Variants in PRAME observed in about 807,000 individuals in gnomAD.
The protein encoded by PRAME is PRAME nuclear receptor transcriptional regulator.
PRAME carries 21 observed loss-of-function variants against 32.1 expected under a neutral mutation model. That is an observed-to-expected ratio of 0.65 (90% CI 0.46 to 0.94). The LOEUF is 0.94. PRAME is among the 40% of genes least tolerant of loss of function. The pLI is 0.00. For synonymous variants in PRAME, 274 were observed against 251.5 expected (o/e 1.09, Z -0.85); for missense variants, 651 against 622.3 (o/e 1.05, Z -0.49).
chr22:22,551,642 A>AAAAC (rs10640028), intron 3 of PRAME, among the ~76,000 whole-genome samples: 75,980 of 150,566 alleles, frequency 0.5, 19,390 homozygotes, highest in South Asian at 0.67. Context: ...AATAAAAAAA[A>AAAAC]AACATTCTGA....
In PRAME at chr22:22,548,343, G is replaced by A; in HGVS notation, c.1254C>T (p.Ile418=). The A allele has an allele frequency of 6.2e-7, 1 of 1,613,662 alleles. No individual in the cohort carries two copies. The highest frequency in any genetic ancestry group is 1.3e-5 in the African/African-American group (1 of 74,978). The change falls in exon 6 of 6, where the codon ATC becomes ATT. Residue 418 remains isoleucine (I), a synonymous_variant. Coordinates refer to ENST00000405655, the MANE Select transcript of PRAME (RefSeq NM_206956.3). ...GGAGACTCTGCAGGGCAGATATGGA[G>A]ATGGAATTCCCGTAGAAGCTTAAGG... ...LTTLSFYGNS[I]SISALQSLLQ...
rs770666096 is a variant in PRAME at position 22,548,253 on chromosome 22, A to T, written c.1344T>A (p.Tyr448Ter). The change falls in exon 6 of 6, where the codon TAT becomes TAA. Residue 448 changes from tyrosine to a stop codon, truncating the protein, a stop_gained. Coordinates refer to ENST00000405655, the MANE Select transcript of PRAME (RefSeq NM_206956.3). LOFTEE classifies it low-confidence loss of function (END_TRUNC). ...HVLYPVPLES[Y>*]EDIHGTLHLE... ...GGTGGAGGGTACCATGGATGTCCTC[A>T]TAACTCTCCAGGGGGACAGGATACA... 1.2e-6 allele frequency: 2 copies of T among 1,613,748 alleles called. No individual in the cohort carries two copies. The highest frequency in any genetic ancestry group is 1.7e-6 in the Non-Finnish European group (2 of 1,179,966).
At position 22,556,883 on chromosome 22, in the gene PRAME, G is replaced by A. The variant is rs753741741; in HGVS notation, c.-51C>T. 2.7e-5 allele frequency: 44 copies of A among 1,610,112 alleles called. No homozygotes were observed. The highest frequency in any genetic ancestry group is 1.6e-4 in the Middle Eastern group (1 of 6,066). ...GGACCTCCAACGCTTGGATTTCTAG[G>A]TCTCAGTCACTTGTTGCCACGCACG... On this transcript the variant is annotated 5_prime_UTR_variant, in exon 3 of 6. Coordinates refer to ENST00000405655, the MANE Select transcript of PRAME (RefSeq NM_206956.3).
intron 3 of PRAME, chr22:22,556,028 T>C (rs1383302656): frequency 1.0e-5 from 4 of 398,376 alleles, no homozygotes; most frequent in Non-Finnish European, 2.1e-5. Context: ...AGTTTCACTC[T>C]TGTTGCCCAG....
Position 22,551,097 on chromosome 22 carries a change from AAC to A in PRAME, c.22-10_22-9del. 1.4e-5 allele frequency: 21 copies of A among 1,554,780 alleles called. No individual in the cohort carries two copies. The highest frequency in any genetic ancestry group is 1.6e-5 in the Non-Finnish European group (18 of 1,145,852). ...TCGGCTCTGAATGGAACCCTGAGGA[AAC>A]ATACAGGGAACAAGGCATCCCTTTC... On this transcript the variant is annotated splice_polypyrimidine_tract_variant and intron_variant, in intron 3 of 5. Coordinates refer to ENST00000405655, the MANE Select transcript of PRAME (RefSeq NM_206956.3).
At chr22:22,551,976 C>T (rs998165987) in intron 3 of PRAME, among the ~76,000 whole-genome samples, 4 of 151,176 alleles carry the variant, frequency 2.6e-5, no homozygotes, top group Non-Finnish European at 5.9e-5. Context: ...ATCTTGTATA[C>T]TAGATATCTT....
chr22:22,548,679 G>A, intron 5 of PRAME, 36 bp from the exon 6 acceptor site: 1 of 1,511,774 alleles, frequency 6.6e-7, no homozygotes, highest in Non-Finnish European at 9.0e-7. Flanking sequence ...CTGGGGAATG[G>A]TGGTAGTGGG....
chr22:22,551,673 C>A (rs1273383891), intron 3 of PRAME, among the ~76,000 whole-genome samples: 5 of 151,774 alleles, frequency 3.3e-5, no homozygotes, highest in African/African-American at 9.7e-5. Flanking sequence ...TTAAGTGCGT[C>A]TCTTTTACGT....
At position 22,550,299 on chromosome 22, in the gene PRAME, T is replaced by A. The variant is rs753760730; in HGVS notation, c.380A>T (p.Asn127Ile). Residue 127 changes from asparagine (N) to isoleucine (I), a missense_variant, in exon 5 of 6, where the codon AAC becomes ATC. Coordinates refer to ENST00000405655, the MANE Select transcript of PRAME (RefSeq NM_206956.3). ...WKLQVLDLRK[N>I]SHQDFWTVWS... ...TACAGTCCAGAAGTCCTGATGAGAG[T>A]TCTTCCGTAAATCCAGCACTTGAAG... 1.3e-5 allele frequency: 21 copies of A among 1,613,010 alleles called. No homozygotes were observed. The East Asian group carries it at 2.2e-4, about 17-fold the overall frequency.
chr22:22,553,698 T>C (rs999280098), intron 3 of PRAME: 2 of 747,968 alleles, frequency 2.7e-6, no homozygotes, highest in South Asian at 1.2e-4. Context: ...GTAATATTGG[T>C]GACCAAACCT....
chr22:22,550,826 C>G lies in PRAME; in HGVS notation c.285G>C (p.Glu95Asp). ...GTCCATCAAGCACAGCTTTGAAGGT[C>G]TCCAGGTGAAGATGTTGTCCCTTCA... Reference protein sequence around the residue: ...VLMKGQHLHLETFKAVLDGLD... With the variant: ...VLMKGQHLHLDTFKAVLDGLD... Residue 95 changes from glutamate (E) to aspartate (D), a missense_variant, in exon 4 of 6, where the codon GAG becomes GAC. Coordinates refer to ENST00000405655, the MANE Select transcript of PRAME (RefSeq NM_206956.3). 2 of 1,612,374 alleles carry G rather than the reference C, an allele frequency of 1.2e-6. No individual in the cohort carries two copies. Among genetic ancestry groups the G allele is most frequent in the Middle Eastern group, 1.7e-4 (1 of 6,046 alleles).
At chr22:22,553,085 C>T (rs993369246) in intron 3 of PRAME, 9 of 372,334 alleles carry the variant, frequency 2.4e-5, no homozygotes, top group Non-Finnish European at 2.2e-5. Context: ...AAAAAGTGAA[C>T]AAAACCACCC....
intron 3 of PRAME, chr22:22,552,737 C>T (rs2062665061): frequency 2.3e-6 from 1 of 426,582 alleles, no homozygotes; most frequent in South Asian, 1.8e-5. Flanking sequence ...AGCATTGGCC[C>T]TCATGGCCCG....
rs1425026394 is a variant in PRAME at position 22,548,096 on chromosome 22, T to C, written c.1501A>G (p.Ile501Val). ...GDRTFYDPEP[I>V]LCPCFMPN ...TTAGGCATGAAACAGGGGCACAGGATGGGCTCCGGGTCATAGAAGGTTCTG... is the reference window on the plus strand; with the variant it reads ...TTAGGCATGAAACAGGGGCACAGGACGGGCTCCGGGTCATAGAAGGTTCTG... The change falls in exon 6 of 6, where the codon ATC becomes GTC. Residue 501 changes from isoleucine (I) to valine (V), a missense_variant. Physicochemically the swap from Ile to Val is conservative, Grantham distance 29. Transcript: ENST00000405655. 2.5e-6 allele frequency: 4 copies of C among 1,612,634 alleles called. No homozygotes were observed. The highest frequency in any genetic ancestry group is 3.4e-6 in the Non-Finnish European group (4 of 1,179,200).
intron 3 of PRAME, among the ~76,000 whole-genome samples, chr22:22,551,790 T>C (rs572100981): frequency 9.9e-5 from 15 of 152,018 alleles, no homozygotes; most frequent in African/African-American, 3.6e-4. Context: ...AATGGAGAAA[T>C]AAAAATTGTG....
Position 22,559,091 on chromosome 22 carries a change from G to GCCCCT in PRAME, c.-239_-235dup, listed in dbSNP as rs1338071229. 1.0e-5 allele frequency: 2 copies of GCCCCT among 191,654 alleles called. No homozygotes were observed. The highest frequency in any genetic ancestry group is 4.8e-5 in the African/African-American group (2 of 41,370). The allele number at this position is 191,654 out of a possible 1,614,324, so 11.9% of individuals were successfully genotyped here. A position where few individuals can be genotyped will look rare whatever the true frequency, so the allele number is the denominator to read the frequency against. On this transcript the variant is annotated 5_prime_UTR_variant, in exon 1 of 6. Transcript: ENST00000405655. Reference sequence around the variant, plus strand: ...TCTCCACAGAAATCCACGCATTCACGCCCCTCCCCTCCCCCGAGCCTGCAG... The same window carrying GCCCCT: ...TCTCCACAGAAATCCACGCATTCACGCCCCTCCCCTCCCCTCCCCCGAGCCTGCAG...
At chr22:22,550,657 G>T in intron 4 of PRAME, 110 bp downstream of exon 4, 2 of 1,271,230 alleles carry the variant, frequency 1.6e-6, no homozygotes, top group Non-Finnish European at 1.1e-6. Flanking sequence ...TTCCTTGCTG[G>T]CAACCATCAG....
chr22:22,555,846 C>A (rs547288420), intron 3 of PRAME: 71 of 470,354 alleles, frequency 1.5e-4, no homozygotes, highest in South Asian at 1.0e-3. Context: ...CCCTAATGGC[C>A]CAAGCCCATG....
At chr22:22,557,399 G>A (rs115642479) in intron 2 of PRAME, 146 bp downstream of exon 2, 3,149 of 159,724 alleles carry the variant, frequency 0.02, 109 homozygotes, top group African/African-American at 0.071. Flanking sequence ...CAGGCGGCCC[G>A]GGGTGACCCA....
Sources: allele counts gnomAD v4.1 joint callset (sites outside exome capture counted in the v4.1 genomes callset), GRCh38; gene constraint gnomAD v4.1.1; transcripts MANE v1.5; gene names NCBI Gene and HGNC (gene_info 2026-07-23, HGNC 2026-07-21).